The following SYTL1 variants were observed in gnomAD, a reference collection of about 807,000 sequenced individuals.
SYTL1 encodes synaptotagmin-like protein 1.
In SYTL1, 53 loss-of-function variants were observed where a neutral mutation model predicts 74.6. The ratio of observed to expected loss-of-function variants is 0.71; its 90% confidence interval spans 0.57 to 0.89. The LOEUF is 0.89. Among genes scored for constraint, SYTL1 ranks in the 40% least tolerant of loss-of-function variants. SYTL1 has a pLI of 0.00. For synonymous variants in SYTL1, 329 were observed against 324.9 expected (o/e 1.01, Z -0.14); for missense variants, 728 against 768.7 (o/e 0.95, Z 0.63).
Position 27,347,306 on chromosome 1 carries a change from C to G in SYTL1, c.192-115C>G, listed in dbSNP as rs2015038462. 5 of 1,393,972 alleles carry G rather than the reference C, an allele frequency of 3.6e-6. No individual in the cohort carries two copies. The highest frequency in any genetic ancestry group is 4.0e-6 in the Non-Finnish European group (4 of 1,000,850). The allele number at this position is 1,393,972 out of a possible 1,614,324, so 86.4% of individuals were successfully genotyped here. The stretch of plus-strand genomic sequence containing the variant: ...GCCCGAGCTCCTCCACAGCACAGAT[C>G]AAGTCTGATTTGCTGTTGGGTCCCT... On this transcript the variant is annotated intron_variant, in intron 2 of 14. Coordinates refer to ENST00000616558, the MANE Select transcript of SYTL1 (RefSeq NM_001193308.2). This position sits in a 1 kb window ranked among gnomAD's most constrained non-coding sequence, Gnocchi z 4.9.
chr1:27,350,619 A>T lies in SYTL1; in HGVS notation c.1005+134A>T. On this transcript the variant is annotated intron_variant, in intron 10 of 14. Coordinates refer to ENST00000616558, the MANE Select transcript of SYTL1 (RefSeq NM_001193308.2). The surrounding 1 kb of genome is among the most constrained non-coding windows in gnomAD (Gnocchi z 6.3). ...GAGGGGGCCCATTAACTCGTTATCCAGTGTTGTCAGCCTCGTGGTGGGCGT... is the reference window on the plus strand; with the variant it reads ...GAGGGGGCCCATTAACTCGTTATCCTGTGTTGTCAGCCTCGTGGTGGGCGT... The T allele has an allele frequency of 1.9e-6, 2 of 1,051,906 alleles. No homozygotes were observed. The highest frequency in any genetic ancestry group is 2.8e-6 in the Non-Finnish European group (2 of 719,338). The allele number at this position is 1,051,906 out of a possible 1,614,324, so 65.2% of individuals were successfully genotyped here. A position where few individuals can be genotyped will look rare whatever the true frequency, so the allele number is the denominator to read the frequency against.
chr1:27,350,124 C>T lies in SYTL1; in HGVS notation c.900C>T (p.Arg300=). The change falls in exon 9 of 15, where the codon CGC becomes CGT. Residue 300 remains arginine, a synonymous_variant. Coordinates refer to ENST00000616558, the MANE Select transcript of SYTL1 (RefSeq NM_001193308.2). This position sits in a 1 kb window ranked among gnomAD's most constrained non-coding sequence, Gnocchi z 6.3. ...CQGLAAARRR[R]SDPYVKSYLL... ...GCCTGGCCGCCGCCCGGCGCCGCCGCTCGGACCCGTGAGTGCCCCGCCGGC... is the reference window on the plus strand; with the variant it reads ...GCCTGGCCGCCGCCCGGCGCCGCCGTTCGGACCCGTGAGTGCCCCGCCGGC... The T allele has an allele frequency of 7.2e-7, 1 of 1,396,604 alleles. No individual in the cohort carries two copies. The highest frequency in any genetic ancestry group is 9.3e-7 in the Non-Finnish European group (1 of 1,078,746). The allele number at this position is 1,396,604 out of a possible 1,614,324, so 86.5% of individuals were successfully genotyped here.
At chr1:27,353,162 C>A in intron 13 of SYTL1, 121 bp from the exon 14 acceptor site, 1 of 1,024,764 alleles carries the variant, frequency 9.8e-7, no homozygotes, top group Non-Finnish European at 1.5e-6. Context: ...GGGTCTAAGG[C>A]CAGGCAGGCA....
In SYTL1 at chr1:27,351,371, C is replaced by G; in HGVS notation, c.1243+35C>G. 1 of 1,519,002 alleles carries G rather than the reference C, an allele frequency of 6.6e-7. No individual in the cohort carries two copies. Among genetic ancestry groups the G allele is most frequent in the Non-Finnish European group, 8.9e-7 (1 of 1,129,526 alleles). 94.1% of individuals were successfully genotyped at this position (1,519,002 alleles called of 1,614,324 possible). A position where few individuals can be genotyped will look rare whatever the true frequency, so the allele number is the denominator to read the frequency against. The stretch of plus-strand genomic sequence containing the variant: ...AGCCGGAGAGGCCAAGCTGGACACG[C>G]CCTGAAAAGCGGGAGACTCCAGTCC... On this transcript the variant is annotated intron_variant, in intron 12 of 14. Coordinates refer to ENST00000616558, the MANE Select transcript of SYTL1 (RefSeq NM_001193308.2). This position sits in a 1 kb window ranked among gnomAD's most constrained non-coding sequence, Gnocchi z 5.0.
In SYTL1 at chr1:27,351,097, G is replaced by A. The variant is rs1214154412; in HGVS notation, c.1164+145G>A. On this transcript the variant is annotated intron_variant, in intron 11 of 14. Coordinates refer to ENST00000616558, the MANE Select transcript of SYTL1 (RefSeq NM_001193308.2). The surrounding 1 kb of genome is among the most constrained non-coding windows in gnomAD (Gnocchi z 5.0). ...ACCTCATGGCCCCAGGCGAAGCCCG[G>A]CCGGCCACGGCCCCTTCCCCGAGGG... The A allele has an allele frequency of 1.2e-5, 16 of 1,312,996 alleles. No individual in the cohort carries two copies. The East Asian group carries it at 1.5e-4, about 12-fold the overall frequency. 81.3% of individuals were successfully genotyped at this position (1,312,996 alleles called of 1,614,324 possible). A position where few individuals can be genotyped will look rare whatever the true frequency, so the allele number is the denominator to read the frequency against.
At chr1:27,349,913 C>T (rs1418998157) in intron 8 of SYTL1, 59 bp from the exon 9 acceptor site, 1 of 1,549,132 alleles carries the variant, frequency 6.5e-7, no homozygotes, top group South Asian at 1.2e-5. Flanking sequence ...TCCGCGCTGC[C>T]CGCGGCCCCG....
Position 27,343,350 on chromosome 1 carries a change from G to A in SYTL1, c.-39+1200G>A, listed in dbSNP as rs2014855965. 2 of 152,398 alleles carry A rather than the reference G, an allele frequency of 1.3e-5. No individual in the cohort carries two copies. The highest frequency in any genetic ancestry group is 2.9e-5 in the Non-Finnish European group (2 of 68,154). The allele number at this position is 152,398 out of a possible 1,614,324, so 9.4% of individuals were successfully genotyped here. On this transcript the variant is annotated intron_variant, in intron 1 of 14. Coordinates refer to ENST00000616558, the MANE Select transcript of SYTL1 (RefSeq NM_001193308.2). This position sits in a 1 kb window ranked among gnomAD's most constrained non-coding sequence, Gnocchi z 5.2. Reference sequence around the variant, plus strand: ...AGCCTGGTCTGGGGAGAACTGTGTGGCCAGAACAGAGGGGCCCTGTGGCTC... The same window carrying A: ...AGCCTGGTCTGGGGAGAACTGTGTGACCAGAACAGAGGGGCCCTGTGGCTC...
rs2015085587 is a variant in SYTL1 at position 27,348,190 on chromosome 1, G to A, written c.459+178G>A. ...GTGGTGAACGGTGGGGAACGGTGGT[G>A]AATGGTGGTAAACAGTGGTGAACGG... On this transcript the variant is annotated intron_variant, in intron 5 of 14. Coordinates refer to ENST00000616558, the MANE Select transcript of SYTL1 (RefSeq NM_001193308.2). This position sits in a 1 kb window ranked among gnomAD's most constrained non-coding sequence, Gnocchi z 4.1. Among the ~76,000 whole-genome samples the A allele has an allele frequency of 6.6e-6, 1 of 152,136 alleles. No individual in the cohort carries two copies. The highest frequency in any genetic ancestry group is 2.1e-4 in the South Asian group (1 of 4,834).
rs1441154654 is a variant in SYTL1 at position 27,349,479 on chromosome 1, C to A, written c.614C>A (p.Pro205Gln). ...CCCGCGTCGGGGGGAGAGCAGGAGC[C>A]GCGGCCCCAGCAAGCCCAGGTAGGC... ...LEPASGGEQE[P>Q]RPQQAQTKAA... The change falls in exon 7 of 15, where the codon CCG becomes CAG. Residue 205 changes from proline to glutamine, a missense_variant. By Grantham distance (76) the Pro-to-Gln change is moderately conservative (BLOSUM62 -1). Transcript: ENST00000616558. 1 of 1,454,560 alleles carries A rather than the reference C, an allele frequency of 6.9e-7. No homozygotes were observed. Among genetic ancestry groups the A allele is most frequent in the Non-Finnish European group, 9.1e-7 (1 of 1,103,134 alleles). The allele number at this position is 1,454,560 out of a possible 1,614,324, so 90.1% of individuals were successfully genotyped here. A position where few individuals can be genotyped will look rare whatever the true frequency, so the allele number is the denominator to read the frequency against.
At chr1:27,349,844 G>T in intron 8 of SYTL1, 79 bp downstream of exon 8, 1 of 1,537,554 alleles carries the variant, frequency 6.5e-7, no homozygotes, top group Non-Finnish European at 8.7e-7. Flanking sequence ...CCCCTCCCTC[G>T]CCGCGGGACC....
At position 27,348,164 on chromosome 1, in the gene SYTL1, A is replaced by G; in HGVS notation, c.459+152A>G. On this transcript the variant is annotated intron_variant, in intron 5 of 14. Coordinates refer to ENST00000616558, the MANE Select transcript of SYTL1 (RefSeq NM_001193308.2). The surrounding 1 kb of genome is among the most constrained non-coding windows in gnomAD (Gnocchi z 4.1). ...CACCTCATCACCTCCTGGGTGGAAC[A>G]GTGGTGAACGGTGGGGAACGGTGGT... is the stretch of plus-strand genomic sequence containing the variant. The G allele has an allele frequency of 1.3e-6, 1 of 758,756 alleles. No homozygotes were observed. The allele number at this position is 758,756 out of a possible 1,614,324, so 47.0% of individuals were successfully genotyped here.
intron 14 of SYTL1, 51 bp from the exon 15 acceptor site, chr1:27,353,662 C>T (rs1053237155): frequency 2.1e-5 from 34 of 1,589,944 alleles, no homozygotes; most frequent in Non-Finnish European, 2.9e-5. Context: ...TTTGGGGGCC[C>T]CAAGGTGTCC....
Position 27,347,557 on chromosome 1 carries a change from A to G in SYTL1, c.328A>G (p.Lys110Glu). ...TGTCCGAGCGTCTATGCGCAGGAAG[A>G]AGAGCACCAGGGGTGAGAGGAGATC... is the stretch of plus-strand genomic sequence containing the variant. ...DLVRASMRRK[K>E]STRGDQAPGH... The change falls in exon 3 of 15, where the codon AAG (lysine) becomes GAG (glutamate). Residue 110 changes from lysine to glutamate, a missense_variant. Lys to Glu is a moderately conservative substitution (Grantham distance 56, BLOSUM62 1). Coordinates refer to ENST00000616558, the MANE Select transcript of SYTL1 (RefSeq NM_001193308.2). The surrounding 1 kb of genome is among the most constrained non-coding windows in gnomAD (Gnocchi z 4.9). The G allele has an allele frequency of 6.2e-7, 1 of 1,614,024 alleles. No individual in the cohort carries two copies. The highest frequency in any genetic ancestry group is 8.5e-7 in the Non-Finnish European group (1 of 1,180,016).
rs2015336891 is a variant in SYTL1 at position 27,352,952 on chromosome 1, A to T, written c.1344-331A>T. On this transcript the variant is annotated intron_variant, in intron 13 of 14. Coordinates refer to ENST00000616558, the MANE Select transcript of SYTL1 (RefSeq NM_001193308.2). ...AGGTGCATGCCACCATGCCCAGCTA[A>T]TTTTTGTATTTTTAGTAGAGATGGG... is the stretch of plus-strand genomic sequence containing the variant. 3.7e-5 allele frequency: 11 copies of T among 293,904 alleles called. No individual in the cohort carries two copies. The South Asian group carries it at 3.7e-4, about 10-fold the overall frequency. 18.2% of individuals were successfully genotyped at this position (293,904 alleles called of 1,614,324 possible). A position where few individuals can be genotyped will look rare whatever the true frequency, so the allele number is the denominator to read the frequency against.
At chr1:27,353,187 T>G in intron 13 of SYTL1, 96 bp from the exon 14 acceptor site, 1 of 1,275,372 alleles carries the variant, frequency 7.8e-7, no homozygotes, top group Non-Finnish European at 1.1e-6. Flanking sequence ...CCAGGGGACA[T>G]GGACATATGT....
rs2015075240 is a variant in SYTL1 at position 27,347,942 on chromosome 1, G to A, written c.414-25G>A. ...ACCAGTCACCAGGGTCCCTCCCTCT[G>A]AGAGCGTCCTCTCCCTACTCCTAGG... On this transcript the variant is annotated intron_variant, in intron 4 of 14. Transcript: ENST00000616558. This position sits in a 1 kb window ranked among gnomAD's most constrained non-coding sequence, Gnocchi z 4.9. 1 of 1,614,152 alleles carries A rather than the reference G, an allele frequency of 6.2e-7. No homozygotes were observed. Among genetic ancestry groups the A allele is most frequent in the African/African-American group, 1.3e-5 (1 of 75,070 alleles).
intron 7 of SYTL1, 54 bp downstream of exon 7, chr1:27,349,552 G>A (rs1397596466): frequency 3.4e-6 from 5 of 1,472,262 alleles, no homozygotes; most frequent in Non-Finnish European, 4.5e-6. Flanking sequence ...ACTCCGGGCG[G>A]GGAGCGCTCC....
rs1483816657 is a variant in SYTL1, at chr1:27,353,339, G to A, written c.1400G>A (p.Arg467His). Residue 467 changes from arginine to histidine, a missense_variant, in exon 14 of 15, where the codon CGC becomes CAC. Transcript: ENST00000616558. Reference sequence around the variant, plus strand: ...CGCCAGCGTACAAGGGTTGTGCGACGCAGCCTCAGCCCTGTGTTCAATCAC... The same window carrying A: ...CGCCAGCGTACAAGGGTTGTGCGACACAGCCTCAGCCCTGTGTTCAATCAC... ...ASRQRTRVVR[R>H]SLSPVFNHTM... The A allele has an allele frequency of 5.6e-6, 9 of 1,609,456 alleles. No individual in the cohort carries two copies. Among genetic ancestry groups the A allele is most frequent in the Middle Eastern group, 1.6e-4 (1 of 6,076 alleles).
intron 7 of SYTL1, 40 bp from the exon 8 acceptor site, chr1:27,349,612 G>A (rs2015156571): frequency 6.4e-7 from 1 of 1,565,074 alleles, no homozygotes; most frequent in Admixed American, 1.9e-5. Flanking sequence ...GGGCAGGGGT[G>A]GGGAAAGAAG....
Sources: gnomAD v4.1 joint callset for allele counts (sites outside exome capture counted in the v4.1 genomes callset) on GRCh38, gnomAD v4.1.1 for gene constraint, Gnocchi (gnomAD v3.1) non-coding constraint, MANE v1.5 for transcripts, NCBI Gene and HGNC (gene_info 2026-07-23, HGNC 2026-07-21) for gene names.